The following MED27 variants were observed in gnomAD, a reference collection of about 807,000 sequenced individuals.
MED27 encodes the protein mediator of RNA polymerase II transcription subunit 27.
Under a neutral mutation model 38.2 loss-of-function variants are expected in MED27, and 30 were observed. The ratio of observed to expected loss-of-function variants is 0.79; its 90% CI spans 0.59 to 1.07. The LOEUF is 1.07. MED27 is among the 50% of genes least tolerant of loss of function. MED27 has a pLI of 0.00. For synonymous variants in MED27, 122 were observed against 153.5 expected, an observed-to-expected ratio of 0.79 and a Z score of 1.52; for missense variants, 289 against 397.5, an observed-to-expected ratio of 0.73 and a Z score of 2.32.
intron 3 of MED27, among the ~76,000 whole-genome samples, chr9:132,008,993 G>A (rs1240378971): frequency 1.3e-5 from 2 of 152,172 alleles, no homozygotes; most frequent in Non-Finnish European, 2.9e-5. Flanking sequence ...GGTGAAGGGC[G>A]GCTGGGCTTC....
chr9:131,983,646 T>C (rs147914917), intron 3 of MED27, among the ~76,000 whole-genome samples: 9 of 152,332 alleles, frequency 5.9e-5, no homozygotes, highest in Middle Eastern at 3.4e-3. Context: ...ACTATACTTT[T>C]GAGACAACCT....
At chr9:131,891,663 G>A (rs914660816) in intron 5 of MED27, among the ~76,000 whole-genome samples, 3 of 152,092 alleles carry the variant, frequency 2.0e-5, no homozygotes, top group Non-Finnish European at 4.4e-5. Flanking sequence ...ACTTTGGGGA[G>A]GGCTGCTTTG....
At chr9:131,994,058 T>G (rs1039992867) in intron 3 of MED27, among the ~76,000 whole-genome samples, 1 of 152,198 alleles carries the variant, frequency 6.6e-6, no homozygotes, top group Non-Finnish European at 1.5e-5. Context: ...TAATCTTTCT[T>G]AAATGTATGT....
At chr9:131,971,489 G>A (rs1831475837) in intron 3 of MED27, among the ~76,000 whole-genome samples, 1 of 152,190 alleles carries the variant, frequency 6.6e-6, no homozygotes, top group Admixed American at 6.5e-5. Context: ...AGCCACTGAG[G>A]GGTTTAACAA....
At chr9:132,009,999 T>C (rs1333487582) in intron 3 of MED27, among the ~76,000 whole-genome samples, 1 of 152,224 alleles carries the variant, frequency 6.6e-6, no homozygotes, top group Non-Finnish European at 1.5e-5. Flanking sequence ...GCAAAAATTT[T>C]CTCCCATTCT....
At chr9:131,981,981 G>A (rs185266329) in intron 3 of MED27, among the ~76,000 whole-genome samples, 2 of 152,218 alleles carry the variant, frequency 1.3e-5, no homozygotes, top group African/African-American at 2.4e-5. Context: ...CGTCCAGCCC[G>A]CCATGTATAT....
intron 3 of MED27, among the ~76,000 whole-genome samples, chr9:131,966,206 A>C (rs983714534): frequency 1.4e-5 from 2 of 139,212 alleles, no homozygotes; most frequent in Non-Finnish European, 3.0e-5. Context: ...CTTTAAAAAA[A>C]AAAAAAAAAC....
chr9:131,887,420 A>C (rs1283539359), intron 5 of MED27, among the ~76,000 whole-genome samples: 1 of 152,176 alleles, frequency 6.6e-6, no homozygotes, highest in Non-Finnish European at 1.5e-5. Context: ...GCATGGGTGA[A>C]AAAGGGACCC....
chr9:132,062,555 C>T lies in MED27; in HGVS notation c.348+14887G>A, dbSNP rs187434283. 1.5e-3 allele frequency among the ~76,000 whole-genome samples: 226 copies of T among 152,060 alleles called. 1 individual carries two copies. Among genetic ancestry groups the T allele is most frequent in the African/African-American group, 5.3e-3 (220 of 41,480 alleles). ...TGCAATGGGAGCCAGACCTGGACCA[C>T]ATAACGAGCTACATTATGGAGACTG... On this transcript the variant is annotated intron_variant, in intron 2 of 7. Coordinates refer to ENST00000292035, the MANE Select transcript of MED27 (RefSeq NM_004269.4).
In MED27 at chr9:132,025,428, C is replaced by T. The variant is rs547311161; in HGVS notation, c.349-10961G>A. 5.8e-4 allele frequency among the ~76,000 whole-genome samples: 89 copies of T among 152,308 alleles called. 1 individual carries two copies. Among genetic ancestry groups the T allele is most frequent in the Admixed American group, 5.3e-3 (81 of 15,308 alleles). Reference sequence around the variant, plus strand: ...AACTCCCAACCTCAGGTGATCTGCCCGCCTCGACCTCCCAAAGTGTTGGGA... The same window carrying T: ...AACTCCCAACCTCAGGTGATCTGCCTGCCTCGACCTCCCAAAGTGTTGGGA... On this transcript the variant is annotated intron_variant, in intron 2 of 7. Transcript: ENST00000292035.
chr9:131,982,840 C>T lies in MED27; in HGVS notation c.479+31497G>A, dbSNP rs542880288. The stretch of plus-strand genomic sequence containing the variant: ...GCCATATGTAATATGGAAATGAATG[C>T]GCATGGCTGTGCTCAATAAAACTCT... On this transcript the variant is annotated intron_variant, in intron 3 of 7. Transcript: ENST00000292035. The surrounding 1 kb of genome is among the most constrained non-coding windows in gnomAD (Gnocchi z 4.3). 3.3e-5 allele frequency among the ~76,000 whole-genome samples: 5 copies of T among 152,318 alleles called. No homozygotes were observed. The highest frequency in any genetic ancestry group is 1.9e-4 in the East Asian group (1 of 5,196).
chr9:132,032,873 T>C (rs1832993156), intron 2 of MED27, among the ~76,000 whole-genome samples: 1 of 152,204 alleles, frequency 6.6e-6, no homozygotes, highest in Non-Finnish European at 1.5e-5. Context: ...TAAGCCTCTC[T>C]CTAGGTCTAT....
intron 2 of MED27, among the ~76,000 whole-genome samples, chr9:132,016,046 T>A (rs1458880572): frequency 1.3e-5 from 2 of 152,226 alleles, no homozygotes; most frequent in African/African-American, 4.8e-5. Context: ...GGCACAGATT[T>A]TCTTTGCCGA....
At chr9:131,938,649 G>A (rs937628270) in intron 4 of MED27, among the ~76,000 whole-genome samples, 1 of 152,072 alleles carries the variant, frequency 6.6e-6, no homozygotes, top group Non-Finnish European at 1.5e-5. Context: ...GAAGTCATCA[G>A]TCTCAGAACA....
intron 2 of MED27, among the ~76,000 whole-genome samples, chr9:132,018,357 A>T (rs1010313765): frequency 1.3e-5 from 2 of 152,220 alleles, no homozygotes; most frequent in South Asian, 2.1e-4. Context: ...AAATACTGGA[A>T]GCAAATGATA....
intron 2 of MED27, among the ~76,000 whole-genome samples, chr9:132,075,360 G>A (rs188500693): frequency 6.6e-6 from 1 of 152,218 alleles, no homozygotes; most frequent in East Asian, 1.9e-4. Flanking sequence ...GAAAGAACAT[G>A]GTTCTTTTAC....
At chr9:131,912,550 G>A (rs904379728) in intron 4 of MED27, among the ~76,000 whole-genome samples, 5 of 151,964 alleles carry the variant, frequency 3.3e-5, no homozygotes, top group Non-Finnish European at 7.4e-5. Flanking sequence ...CCTCACCCCC[G>A]AGTCTGGAAC....
chr9:132,056,387 C>T (rs533100202), intron 2 of MED27, among the ~76,000 whole-genome samples: 1 of 152,198 alleles, frequency 6.6e-6, no homozygotes, highest in Admixed American at 6.5e-5. Flanking sequence ...ACACAGTAGC[C>T]GGCCTCCCAT....
In MED27 at chr9:131,862,412, C is replaced by T. The variant is rs895019448; in HGVS notation, c.801+651G>A. Among the ~76,000 whole-genome samples the T allele has an allele frequency of 1.2e-4, 18 of 152,146 alleles. No homozygotes were observed. Among genetic ancestry groups the T allele is most frequent in the African/African-American group, 1.9e-4 (8 of 41,430 alleles). On this transcript the variant is annotated intron_variant, in intron 7 of 7. Coordinates refer to ENST00000292035, the MANE Select transcript of MED27 (RefSeq NM_004269.4). This position sits in a 1 kb window ranked among gnomAD's most constrained non-coding sequence, Gnocchi z 4.6. ...CTGGCGGCTACGTCTGTCAAGGACG[C>T]GGGGACATGGTGTTAGCCCTGCTTA...
Sources: gnomAD v4.1 joint callset for allele counts (sites outside exome capture counted in the v4.1 genomes callset) on GRCh38, gnomAD v4.1.1 for gene constraint, Gnocchi (gnomAD v3.1) non-coding constraint, MANE v1.5 for transcripts, NCBI Gene and HGNC (gene_info 2026-07-23, HGNC 2026-07-21) for gene names.